ADGRL2: variants seen among roughly 807,000 people sequenced by gnomAD.
ADGRL2 encodes calcium-independent alpha-latrotoxin receptor 2.
In ADGRL2, 44 loss-of-function variants were observed where a neutral mutation model predicts 157.4. The observed-to-expected ratio is 0.28, with a 90% CI of 0.22 to 0.36. The LOEUF (loss-of-function observed/expected upper bound fraction) is 0.36. Ranked by LOEUF, ADGRL2 falls within the 10% of genes least tolerant of loss-of-function variation. The pLI, the probability that ADGRL2 is intolerant of heterozygous loss-of-function variation, is 1.00. For synonymous variants in ADGRL2, 585 were observed against 624.7 expected, an observed-to-expected ratio of 0.94 and a Z score of 0.95; for missense variants, 1,510 against 1,768.9, an observed-to-expected ratio of 0.85 and a Z score of 2.63.
intron 1 of ADGRL2, among the ~76,000 whole-genome samples, chr1:81,743,553 A>C (rs996117833): frequency 6.6e-6 from 1 of 152,064 alleles, no homozygotes; most frequent in African/African-American, 2.4e-5. Context: ...TTATTAGAAG[A>C]ATAAAAAAGA....
chr1:81,431,178 C>G (rs576230415), intron 1 of ADGRL2, among the ~76,000 whole-genome samples: 1 of 152,206 alleles, frequency 6.6e-6, no homozygotes, highest in African/African-American at 2.4e-5. Flanking sequence ...CAAGGGATAT[C>G]CGTGTTTGCT....
chr1:81,636,840 T>A (rs918721994), intron 3 of ADGRL2, among the ~76,000 whole-genome samples: 2 of 152,130 alleles, frequency 1.3e-5, no homozygotes, highest in Non-Finnish European at 2.9e-5. Context: ...TTTTTAGAGT[T>A]TGTTGTTGGT....
intron 2 of ADGRL2, among the ~76,000 whole-genome samples, chr1:81,578,434 A>G (rs1446851391): frequency 6.6e-6 from 1 of 152,150 alleles, no homozygotes; most frequent in Non-Finnish European, 1.5e-5. Context: ...CTATATTTTA[A>G]TGTGTTTGAA....
chr1:81,867,882 T>C (rs983505432), intron 2 of ADGRL2, among the ~76,000 whole-genome samples: 4 of 152,126 alleles, frequency 2.6e-5, no homozygotes, highest in South Asian at 4.1e-4. Context: ...GTATGGTAAC[T>C]CTACCTTACA....
At chr1:81,384,256 T>C (rs1369070250) in intron 1 of ADGRL2, among the ~76,000 whole-genome samples, 2 of 152,214 alleles carry the variant, frequency 1.3e-5, no homozygotes, top group African/African-American at 2.4e-5. Context: ...GAGAAGTCTA[T>C]ATGTCCTCTA....
At chr1:81,346,356 T>A (rs1356908350) in intron 1 of ADGRL2, among the ~76,000 whole-genome samples, 1 of 152,228 alleles carries the variant, frequency 6.6e-6, no homozygotes, top group Non-Finnish European at 1.5e-5. Flanking sequence ...TCAGAAGGAA[T>A]AATTTGGTAA....
intron 1 of ADGRL2, among the ~76,000 whole-genome samples, chr1:81,407,881 A>T (rs752157423): frequency 1.3e-5 from 2 of 152,270 alleles, no homozygotes; most frequent in South Asian, 4.1e-4. Flanking sequence ...AATCAGAAAA[A>T]GGTAGAGTTG....
intron 1 of ADGRL2, among the ~76,000 whole-genome samples, chr1:81,811,015 C>T (rs2089804554): frequency 1.3e-5 from 2 of 151,798 alleles, no homozygotes; most frequent in Non-Finnish European, 2.9e-5. Context: ...GCTTTTTCTA[C>T]TACAAGTGCT....
rs546804315 is a variant in ADGRL2 at position 81,985,208 on chromosome 1, A to G, written c.3412-51A>G. The G allele has an allele frequency of 2.1e-5, 22 of 1,052,878 alleles. No individual in the cohort carries two copies. In the South Asian group the frequency reaches 2.9e-4, roughly 14 times the overall value. The allele number at this position is 1,052,878 out of a possible 1,614,324, so 65.2% of individuals were successfully genotyped here. On this transcript the variant is annotated intron_variant, in intron 20 of 23. Transcript: ENST00000686636. ...ATCCTTGTATGTCTTTAATAAGGTA[A>G]GTTTGGGGAAACTAACAAAACATAT...
At chr1:81,425,056 A>T (rs2077187478) in intron 1 of ADGRL2, among the ~76,000 whole-genome samples, 1 of 152,218 alleles carries the variant, frequency 6.6e-6, no homozygotes, top group Admixed American at 6.5e-5. Flanking sequence ...AATATGATGG[A>T]TTCATCAGCA....
chr1:81,613,082 A>C (rs920473407), intron 3 of ADGRL2, among the ~76,000 whole-genome samples: 9 of 152,148 alleles, frequency 5.9e-5, no homozygotes, highest in South Asian at 2.1e-4. Flanking sequence ...AAAAGTATGG[A>C]CTCTGGAAGC....
chr1:81,426,760 T>G, intron 1 of ADGRL2: 1 of 460,190 alleles, frequency 2.2e-6, no homozygotes, highest in Non-Finnish European at 4.2e-6. Flanking sequence ...GGTTGGTGGG[T>G]GTCTATTGGA....
intron 3 of ADGRL2, among the ~76,000 whole-genome samples, chr1:81,618,278 G>A (rs920315523): frequency 2.0e-5 from 3 of 152,140 alleles, no homozygotes; most frequent in South Asian, 4.1e-4. Flanking sequence ...TCAGTTATTG[G>A]TCACCATGTA....
upstream of ADGRL2, among the ~76,000 whole-genome samples, chr1:81,800,826 G>A (rs2087941460): frequency 6.6e-6 from 1 of 150,804 alleles, no homozygotes; most frequent in Non-Finnish European, 1.5e-5. Context: ...GGGGGGAGCT[G>A]GAGGCAGAGC....
At chr1:81,418,627 G>T (rs571246336) in intron 1 of ADGRL2, among the ~76,000 whole-genome samples, 3 of 152,160 alleles carry the variant, frequency 2.0e-5, no homozygotes, top group Admixed American at 1.3e-4. Context: ...GGTGGCAGGC[G>T]CCTGCAGTCC....
At chr1:81,814,492 A>G (rs2090186179) in intron 1 of ADGRL2, among the ~76,000 whole-genome samples, 1 of 151,488 alleles carries the variant, frequency 6.6e-6, no homozygotes, top group Non-Finnish European at 1.5e-5. Flanking sequence ...AGAATATGAT[A>G]AACCCTAAAT....
chr1:81,536,055 A>T (rs915371395), intron 2 of ADGRL2, among the ~76,000 whole-genome samples: 14 of 152,314 alleles, frequency 9.2e-5, no homozygotes, highest in African/African-American at 3.4e-4. Flanking sequence ...TTTAAAAGTG[A>T]TACATTGAGC....
intron 1 of ADGRL2, among the ~76,000 whole-genome samples, chr1:81,339,079 T>C (rs1661866406): frequency 6.6e-6 from 1 of 152,204 alleles, no homozygotes; most frequent in Admixed American, 6.5e-5. Context: ...AGGTACCACC[T>C]CTAGATTCCC....
rs1012194305 is a variant in ADGRL2 at position 81,710,135 on chromosome 1, T to G, written c.-143+10327T>G. On this transcript the variant is annotated intron_variant, in intron 1 of 20. Coordinates refer to the ADGRL2 transcript ENST00000359929. ...TTGCATATCAAGATATTTTCTAACGTGTCAGATTCTTCTGGCATTATAGGC... is the reference window on the plus strand; with the variant it reads ...TTGCATATCAAGATATTTTCTAACGGGTCAGATTCTTCTGGCATTATAGGC... Among the ~76,000 whole-genome samples the G allele has an allele frequency of 5.9e-5, 9 of 152,304 alleles. 1 individual carries two copies. The highest frequency in any genetic ancestry group is 2.2e-4 in the African/African-American group (9 of 41,568).
Sources: gnomAD v4.1 joint callset for allele counts (sites outside exome capture counted in the v4.1 genomes callset) on GRCh38, gnomAD v4.1.1 for gene constraint, MANE v1.5 for transcripts, NCBI Gene and HGNC (gene_info 2026-07-23, HGNC 2026-07-21) for gene names.